Variants in CLSTN1 observed in about 807,000 individuals in gnomAD.
The protein encoded by CLSTN1 is calsyntenin-1.
A neutral mutation model predicts 108.3 loss-of-function variants in CLSTN1; 28 were observed. That is an observed-to-expected ratio of 0.26 (90% CI 0.19 to 0.35). The LOEUF (loss-of-function observed/expected upper bound fraction) is 0.35, where lower values mean the gene tolerates loss of function less well. CLSTN1 is among the 10% of genes least tolerant of loss of function. The pLI is 1.00. For missense variants in CLSTN1, 1,157 were observed against 1,302.6 expected (o/e 0.89, Z 1.72); for synonymous variants, 524 against 534.9 (o/e 0.98, Z 0.28).
chr1:9,737,868 G>A (rs1367092705), intron 10 of CLSTN1, among the ~76,000 whole-genome samples: 2 of 152,080 alleles, frequency 1.3e-5, no homozygotes, highest in African/African-American at 2.4e-5. Flanking sequence ...TCCCCAATCC[G>A]TGCTATGAAG....
chr1:9,801,610 A>G (rs1217674533), intron 1 of CLSTN1, among the ~76,000 whole-genome samples: 1 of 152,200 alleles, frequency 6.6e-6, no homozygotes, highest in Non-Finnish European at 1.5e-5. Flanking sequence ...GCTGGAGCGC[A>G]GTGGCACGAT....
chr1:9,813,279 C>T (rs953641817), intron 1 of CLSTN1, among the ~76,000 whole-genome samples: 2 of 152,000 alleles, frequency 1.3e-5, no homozygotes, highest in East Asian at 1.9e-4. Context: ...GGGTGAACTG[C>T]CTGAGCTCAG....
chr1:9,770,511 C>T (rs548426280), intron 2 of CLSTN1, among the ~76,000 whole-genome samples: 3 of 152,332 alleles, frequency 2.0e-5, no homozygotes, highest in Admixed American at 2.0e-4. Context: ...GGGCTGGAGC[C>T]CTGCCTCTGC....
chr1:9,783,930 T>C (rs991056517), intron 1 of CLSTN1, among the ~76,000 whole-genome samples: 37 of 150,828 alleles, frequency 2.5e-4, no homozygotes, highest in African/African-American at 9.0e-4. Context: ...GAGGCAGAGG[T>C]TGCAGGGAGC....
intron 1 of CLSTN1, among the ~76,000 whole-genome samples, chr1:9,817,329 A>AT (rs1412185463): frequency 6.6e-6 from 1 of 151,948 alleles, no homozygotes; most frequent in Non-Finnish European, 1.5e-5. Context: ...AAGCTTTCAG[A>AT]TTTTTTTCTT....
chr1:9,732,571 A>C (rs1027699696), intron 16 of CLSTN1, among the ~76,000 whole-genome samples: 52 of 152,304 alleles, frequency 3.4e-4, no homozygotes, highest in African/African-American at 1.3e-3. Flanking sequence ...CAGGCACCGA[A>C]TTTAGCATTC....
rs184359356 is a variant in CLSTN1 at position 9,747,297 on chromosome 1, C to A, written c.985+2164G>T. Among the ~76,000 whole-genome samples the A allele has an allele frequency of 2.1e-4, 32 of 149,780 alleles. No homozygotes were observed. The Admixed American group carries it at 2.1e-3, about 10-fold the overall frequency. ...TCACTTAATACCATGAAATGAGAGA[C>A]GGAATAAATTTTATATATTATACTT... On this transcript the variant is annotated intron_variant, in intron 7 of 18. Transcript: ENST00000377298.
intron 2 of CLSTN1, among the ~76,000 whole-genome samples, chr1:9,756,953 T>C (rs1362114202): frequency 6.6e-6 from 1 of 151,792 alleles, no homozygotes; most frequent in Non-Finnish European, 1.5e-5. Flanking sequence ...TAATTTTTTG[T>C]ATTTTTAGTA....
intron 1 of CLSTN1, among the ~76,000 whole-genome samples, chr1:9,799,095 C>T (rs1328017420): frequency 6.6e-6 from 1 of 152,020 alleles, no homozygotes; most frequent in African/African-American, 2.4e-5. Context: ...ATGGGAGGAC[C>T]ACTTGAGCCC....
intron 2 of CLSTN1, among the ~76,000 whole-genome samples, chr1:9,765,082 T>C (rs536650682): frequency 6.6e-6 from 1 of 152,218 alleles, no homozygotes; most frequent in African/African-American, 2.4e-5. Flanking sequence ...TTCAAATACC[T>C]TAATATTTCA....
chr1:9,817,565 T>C (rs1655022711), intron 1 of CLSTN1, among the ~76,000 whole-genome samples: 1 of 152,114 alleles, frequency 6.6e-6, no homozygotes, highest in Non-Finnish European at 1.5e-5. Flanking sequence ...TGACCTAAGG[T>C]GATCCGCCTG....
Position 9,791,141 on chromosome 1 carries a change from C to CAAA in CLSTN1, c.92-17750_92-17748dup, listed in dbSNP as rs139466878. On this transcript the variant is annotated intron_variant, in intron 1 of 18. Coordinates refer to ENST00000377298, the MANE Select transcript of CLSTN1 (RefSeq NM_001009566.3). ...TGGGCAACAGAGTGAGACTCTATCT[C>CAAA]AAAAAAAAAAAAAAAAAAAAAGATG... is the stretch of plus-strand genomic sequence containing the variant. Among the ~76,000 whole-genome samples, 71 of 73,990 alleles carry CAAA rather than the reference C, an allele frequency of 9.6e-4. No individual in the cohort carries two copies. In the East Asian group the frequency reaches 0.019, roughly 20 times the overall value. The allele number at this position is 73,990 out of a possible 152,430, so 48.5% of individuals were successfully genotyped here. A position where few individuals can be genotyped will look rare whatever the true frequency, so the allele number is the denominator to read the frequency against.
At chr1:9,813,199 A>AT (rs201699434) in intron 1 of CLSTN1, among the ~76,000 whole-genome samples, 3,256 of 151,856 alleles carry the variant, frequency 0.021, 38 homozygotes, top group South Asian at 0.045. Flanking sequence ...CCATCTTGAT[A>AT]TTTTTTATAA....
chr1:9,781,356 T>C lies in CLSTN1; in HGVS notation c.92-7962A>G, dbSNP rs1570485563. ...GCAGCAGTGTAGAAAAATTTTCCTTTTTAAAAGAATTATAAAACCATAGCA... is the reference window on the plus strand; with the variant it reads ...GCAGCAGTGTAGAAAAATTTTCCTTCTTAAAAGAATTATAAAACCATAGCA... On this transcript the variant is annotated intron_variant, in intron 1 of 18. Transcript: ENST00000377298. 6.1e-6 allele frequency: 3 copies of C among 492,184 alleles called. No individual in the cohort carries two copies. The East Asian group carries it at 1.0e-4, about 17-fold the overall frequency. 30.5% of individuals were successfully genotyped at this position (492,184 alleles called of 1,614,324 possible).
At chr1:9,808,341 T>C (rs1196836972) in intron 1 of CLSTN1, among the ~76,000 whole-genome samples, 7 of 151,974 alleles carry the variant, frequency 4.6e-5, no homozygotes, top group African/African-American at 9.7e-5. Flanking sequence ...TGAACGCATG[T>C]GCATGCATGC....
chr1:9,781,900 T>C (rs1653269163), intron 1 of CLSTN1, among the ~76,000 whole-genome samples: 1 of 152,200 alleles, frequency 6.6e-6, no homozygotes, highest in Non-Finnish European at 1.5e-5. Context: ...TAATGTGTAG[T>C]AGTTGTGACT....
chr1:9,812,858 A>C (rs1036307663), intron 1 of CLSTN1, among the ~76,000 whole-genome samples: 1 of 151,516 alleles, frequency 6.6e-6, no homozygotes, highest in Non-Finnish European at 1.5e-5. Context: ...CAAAAAAAAA[A>C]AAAAAAACAA....
chr1:9,764,330 C>T (rs950236976), intron 2 of CLSTN1, among the ~76,000 whole-genome samples: 1 of 152,132 alleles, frequency 6.6e-6, no homozygotes, highest in Non-Finnish European at 1.5e-5. Context: ...TAGGCCCCAC[C>T]TCCAACAATG....
At chr1:9,763,997 A>G (rs944323125) in intron 2 of CLSTN1, among the ~76,000 whole-genome samples, 1 of 152,150 alleles carries the variant, frequency 6.6e-6, no homozygotes, top group South Asian at 2.1e-4. Flanking sequence ...TGATGGCTGG[A>G]AAGTTCAAGG....
Sources: gnomAD v4.1 joint callset for allele counts (sites outside exome capture counted in the v4.1 genomes callset) on GRCh38, gnomAD v4.1.1 for gene constraint, MANE v1.5 for transcripts, NCBI Gene and HGNC (gene_info 2026-07-23, HGNC 2026-07-21) for gene names.